Variants in CCSER1 observed in about 807,000 individuals in gnomAD.
CCSER1 encodes the protein coiled-coil serine rich protein 1, also known as serine-rich coiled-coil domain-containing protein 1.
A neutral mutation model predicts 82.0 loss-of-function variants in CCSER1; 41 were observed. That is an observed-to-expected ratio of 0.50 (90% CI 0.39 to 0.65). The LOEUF (loss-of-function observed/expected upper bound fraction) is 0.65, where lower values mean the gene tolerates loss of function less well. Ranked by LOEUF, CCSER1 falls within the 30% of genes least tolerant of loss-of-function variation. CCSER1 has a pLI of 0.00. For synonymous variants in CCSER1, 414 were observed against 383.9 expected (o/e 1.08, Z -0.92); for missense variants, 1,119 against 1,064.2 (o/e 1.05, Z -0.72).
intron 10 of CCSER1, among the ~76,000 whole-genome samples, chr4:91,500,356 A>T (rs1413033582): frequency 1.3e-5 from 2 of 151,974 alleles, no homozygotes; most frequent in Non-Finnish European, 2.9e-5. Flanking sequence ...AGAGTTATTT[A>T]TATATTTTGG....
intron 10 of CCSER1, among the ~76,000 whole-genome samples, chr4:91,510,190 G>T (rs1471137150): frequency 6.6e-6 from 1 of 152,248 alleles, no homozygotes; most frequent in Non-Finnish European, 1.5e-5. Flanking sequence ...ATACAATTTT[G>T]ATTTTTGTGG....
chr4:90,772,370 G>C (rs972354163), intron 7 of CCSER1, among the ~76,000 whole-genome samples: 6 of 151,928 alleles, frequency 3.9e-5, no homozygotes, highest in Admixed American at 3.9e-4. Flanking sequence ...GTTTTTGAGA[G>C]GTGATGAGTG....
At chr4:90,827,303 T>TA (rs1760594276) in intron 8 of CCSER1, among the ~76,000 whole-genome samples, 1 of 152,186 alleles carries the variant, frequency 6.6e-6, no homozygotes, top group African/African-American at 2.4e-5. Flanking sequence ...ACAATAAAGT[T>TA]AGAGTTTCTT....
At chr4:90,295,411 C>A (rs1219873778) in intron 1 of CCSER1, among the ~76,000 whole-genome samples, 3 of 151,918 alleles carry the variant, frequency 2.0e-5, no homozygotes, top group Admixed American at 6.6e-5. Flanking sequence ...TGAATATCTG[C>A]TCGTAATGTT....
chr4:91,392,363 G>GCACACA (rs142343973), intron 10 of CCSER1, among the ~76,000 whole-genome samples: 141 of 148,212 alleles, frequency 9.5e-4, no homozygotes, highest in African/African-American at 3.3e-3. Context: ...ACCTACACAT[G>GCACACA]CACACACACA....
chr4:90,521,711 T>C (rs528746308), intron 5 of CCSER1, among the ~76,000 whole-genome samples: 1 of 152,312 alleles, frequency 6.6e-6, no homozygotes, highest in East Asian at 1.9e-4. Context: ...TCTTTCTTTT[T>C]GCCCCAGAAT....
At chr4:90,840,662 A>G (rs976344117) in intron 8 of CCSER1, among the ~76,000 whole-genome samples, 3 of 152,228 alleles carry the variant, frequency 2.0e-5, no homozygotes, top group Non-Finnish European at 4.4e-5. Flanking sequence ...TACAGTGCCT[A>G]TGCATATAGC....
intron 5 of CCSER1, among the ~76,000 whole-genome samples, chr4:90,550,194 T>C (rs1209519630): frequency 6.6e-6 from 1 of 152,154 alleles, no homozygotes; most frequent in African/African-American, 2.4e-5. Context: ...TGTCTTCCTG[T>C]ATCACAGGGC....
chr4:90,292,419 CTTAA>C (rs898569246), intron 1 of CCSER1, among the ~76,000 whole-genome samples: 1 of 151,804 alleles, frequency 6.6e-6, no homozygotes, highest in Admixed American at 6.6e-5. Flanking sequence ...GTTGTCTAAT[CTTAA>C]TAATAGAGAA....
chr4:91,508,013 A>T (rs887963133), intron 10 of CCSER1, among the ~76,000 whole-genome samples: 14 of 27,978 alleles, frequency 5.0e-4, no homozygotes, highest in African/African-American at 1.7e-3. Flanking sequence ...TATATATATG[A>T]AATTATGTCA....
At chr4:91,152,865 G>A (rs1006511913) in intron 10 of CCSER1, among the ~76,000 whole-genome samples, 1 of 152,000 alleles carries the variant, frequency 6.6e-6, no homozygotes, top group African/African-American at 2.4e-5. Context: ...CTTCTGGCTT[G>A]TAGAGTTTCT....
chr4:90,181,980 G>A (rs1392734371), intron 1 of CCSER1, among the ~76,000 whole-genome samples: 1 of 152,098 alleles, frequency 6.6e-6, no homozygotes. Context: ...TACAGTAAGA[G>A]GTCATAAAGG....
At chr4:91,226,817 G>C (rs1738238709) in intron 10 of CCSER1, among the ~76,000 whole-genome samples, 1 of 151,802 alleles carries the variant, frequency 6.6e-6, no homozygotes, top group African/African-American at 2.4e-5. Flanking sequence ...TGGTCCAATG[G>C]TTTAGAGCAT....
intron 10 of CCSER1, among the ~76,000 whole-genome samples, chr4:91,182,066 C>T (rs1028302411): frequency 1.9e-4 from 29 of 152,270 alleles, no homozygotes; most frequent in African/African-American, 7.0e-4. Flanking sequence ...TTGTCTTTCA[C>T]CATCTGTGAC....
intron 5 of CCSER1, among the ~76,000 whole-genome samples, chr4:90,529,590 C>T (rs372050158): frequency 2.3e-4 from 35 of 152,214 alleles, no homozygotes; most frequent in East Asian, 1.5e-3. Context: ...TAATGGTCCC[C>T]TGTTTTATCT....
intron 7 of CCSER1, among the ~76,000 whole-genome samples, chr4:90,784,219 G>A (rs764352510): frequency 2.0e-5 from 3 of 152,220 alleles, no homozygotes; most frequent in Admixed American, 1.3e-4. Flanking sequence ...ACTGTTCCTC[G>A]TTTCATATGC....
intron 6 of CCSER1, among the ~76,000 whole-genome samples, chr4:90,643,975 T>C (rs1727037075): frequency 1.3e-5 from 2 of 152,182 alleles, no homozygotes; most frequent in Admixed American, 1.3e-4. Flanking sequence ...GATTGCTGGC[T>C]TGATAGTACA....
At chr4:91,520,426 T>A (rs1005330492) in intron 10 of CCSER1, among the ~76,000 whole-genome samples, 2 of 152,156 alleles carry the variant, frequency 1.3e-5, no homozygotes, top group African/African-American at 4.8e-5. Context: ...TATAGTTTTT[T>A]CCCTACCCTC....
intron 3 of CCSER1, among the ~76,000 whole-genome samples, chr4:90,398,809 C>A (rs1752396078): frequency 1.3e-5 from 2 of 152,056 alleles, no homozygotes; most frequent in South Asian, 4.1e-4. Flanking sequence ...CCTTTCAAAC[C>A]ATGGTATGTG....
Sources: gnomAD v4.1 joint callset for allele counts (sites outside exome capture counted in the v4.1 genomes callset) on GRCh38, gnomAD v4.1.1 for gene constraint, MANE v1.5 for transcripts, NCBI Gene and HGNC (gene_info 2026-07-23, HGNC 2026-07-21) for gene names.